The following CHMP1A variants were observed in gnomAD, a reference collection of about 807,000 sequenced individuals.
The protein encoded by CHMP1A is charged multivesicular body protein 1A.
Under a neutral mutation model 27.0 loss-of-function variants are expected in CHMP1A, and 17 were observed. The observed-to-expected ratio is 0.63, with a 90% CI of 0.43 to 0.95. CHMP1A has a LOEUF of 0.95. CHMP1A is among the 40% of genes least tolerant of loss of function. CHMP1A has a pLI of 0.00. For missense variants in CHMP1A, 275 were observed against 264.0 expected, an observed-to-expected ratio of 1.04 and a Z score of -0.29; for synonymous variants, 131 against 107.5, an observed-to-expected ratio of 1.22 and a Z score of -1.35.
intron 3 of CHMP1A, among the ~76,000 whole-genome samples, chr16:89,650,499 G>A (rs1330143970): frequency 6.6e-6 from 1 of 152,162 alleles, no homozygotes; most frequent in Non-Finnish European, 1.5e-5. Context: ...TCTGTAGGGA[G>A]GAGAGAGCTA....
intron 6 of CHMP1A, 129 bp downstream of exon 6, chr16:89,646,398 G>T: frequency 9.1e-7 from 1 of 1,094,178 alleles, no homozygotes. Flanking sequence ...CCTCTGAGTC[G>T]AGATCAGGGC....
At chr16:89,649,228 C>G in intron 4 of CHMP1A, 123 bp downstream of exon 4, 1 of 1,097,474 alleles carries the variant, frequency 9.1e-7, no homozygotes, top group East Asian at 2.9e-5. Flanking sequence ...CTTCCCTCAA[C>G]CTCCCCACCC....
chr16:89,651,799 C>T (rs190082900), intron 2 of CHMP1A, among the ~76,000 whole-genome samples, 153 bp from the exon 3 acceptor site: 124 of 152,356 alleles, frequency 8.1e-4, no homozygotes, highest in Non-Finnish European at 1.2e-3. Context: ...GCAGGGAAGG[C>T]GTGAAGCCTG....
chr16:89,655,047 T>A lies in CHMP1A; in HGVS notation c.8-1124A>T, dbSNP rs548139809. On this transcript the variant is annotated intron_variant, in intron 1 of 6. Coordinates refer to ENST00000397901, the MANE Select transcript of CHMP1A (RefSeq NM_002768.5). Reference sequence around the variant, plus strand: ...CCTGACCCCAGATTCCTGAAAGGGCTTTACCACACTAGCCACAACGAGGAA... The same window carrying A: ...CCTGACCCCAGATTCCTGAAAGGGCATTACCACACTAGCCACAACGAGGAA... 7.2e-5 allele frequency among the ~76,000 whole-genome samples: 11 copies of A among 152,302 alleles called. No individual in the cohort carries two copies. In the South Asian group the frequency reaches 2.3e-3, roughly 32 times the overall value.
intron 5 of CHMP1A, chr16:89,646,974 C>T (rs1181119793): frequency 3.8e-5 from 54 of 1,431,912 alleles, no homozygotes; most frequent in Non-Finnish European, 4.6e-5. Flanking sequence ...GTCTGCCATC[C>T]GAGCCTCCCC....
intron 4 of CHMP1A, chr16:89,649,115 G>C: frequency 1.8e-6 from 1 of 541,062 alleles, no homozygotes; most frequent in East Asian, 3.3e-5. Context: ...AGCCTCACCT[G>C]TGTCCCTGCC....
intron 1 of CHMP1A, among the ~76,000 whole-genome samples, chr16:89,655,336 G>A (rs1475357466): frequency 6.7e-6 from 1 of 149,874 alleles, no homozygotes; most frequent in Non-Finnish European, 1.5e-5. Flanking sequence ...AACTCACTGT[G>A]GGATGCTGGC....
rs1181833606 is a variant in CHMP1A, at chr16:89,644,579, T to G, written c.*1487A>C. ...GAGCTCTGCACCCTCCCCAAGGCTG[T>G]TACCCACGATGGACAGAAGGACGTT... On this transcript the variant is annotated 3_prime_UTR_variant, in exon 7 of 7. Transcript: ENST00000397901. 6.6e-6 allele frequency: 1 copy of G among 152,354 alleles called. No individual in the cohort carries two copies. Among genetic ancestry groups the G allele is most frequent in the African/African-American group, 2.4e-5 (1 of 41,438 alleles). The allele number at this position is 152,354 out of a possible 1,614,324, so 9.4% of individuals were successfully genotyped here.
Position 89,647,263 on chromosome 16 carries a change from C to T in CHMP1A, c.321G>A (p.Lys107=), listed in dbSNP as rs770270286. The part of the protein sequence containing the change: ...DKALSTMDLQ[K]VSSVMDRFEQ... ...CGAACCTGTCCATCACTGAGGAGAC[C>T]TTCTGCAGGTCCATGGTGCTCAGGG... is the stretch of plus-strand genomic sequence containing the variant. The change falls in exon 5 of 7, where the codon AAG becomes AAA. Residue 107 remains lysine, a synonymous_variant. Transcript: ENST00000397901. 18 of 1,611,118 alleles carry T rather than the reference C, an allele frequency of 1.1e-5. No homozygotes were observed. In the Admixed American group the frequency reaches 1.5e-4, roughly 14 times the overall value.
chr16:89,651,567 A>C lies in CHMP1A; in HGVS notation c.105+2T>G, dbSNP rs1178980785. The C allele has an allele frequency of 6.2e-7, 1 of 1,613,540 alleles. No homozygotes were observed. Among genetic ancestry groups the C allele is most frequent in the East Asian group, 2.2e-5 (1 of 44,884 alleles). On this transcript the variant is annotated splice_donor_variant, in intron 3 of 6. Coordinates refer to ENST00000397901, the MANE Select transcript of CHMP1A (RefSeq NM_002768.5). LOFTEE classifies it high-confidence loss of function. ...ATGACCCCACAGCCCCCAGGGTCTC[A>C]CCTTCTTCACTTTGGCCTGCTCCGC...
chr16:89,649,427 C>G lies in CHMP1A; in HGVS notation c.176G>C (p.Gly59Ala). ...AENAIRKKNE[G>A]VNWLRMASRV... The stretch of plus-strand genomic sequence containing the variant: ...GGACGCCATCCGAAGCCAGTTCACA[C>G]CTTCGTTCTTCTTGCGGATGGCGTT... The change falls in exon 4 of 7, where the codon GGT (glycine) becomes GCT (alanine). Residue 59 changes from glycine (G) to alanine (A), a missense_variant. By Grantham distance (60) the Gly-to-Ala change is moderately conservative (BLOSUM62 0). Transcript: ENST00000397901. 2 of 1,613,800 alleles carry G rather than the reference C, an allele frequency of 1.2e-6. No homozygotes were observed. The highest frequency in any genetic ancestry group is 1.7e-6 in the Non-Finnish European group (2 of 1,179,886).
chr16:89,646,859 T>C, intron 5 of CHMP1A, 145 bp from the exon 6 acceptor site: 1 of 1,088,594 alleles, frequency 9.2e-7, no homozygotes, highest in Non-Finnish European at 1.3e-6. Flanking sequence ...TCTCTCTGTC[T>C]CACCTTCCAC....
chr16:89,650,744 T>C (rs2059817741), intron 3 of CHMP1A, among the ~76,000 whole-genome samples: 1 of 151,486 alleles, frequency 6.6e-6, no homozygotes, highest in Non-Finnish European at 1.5e-5. Context: ...AGGCAGAGGT[T>C]GCAGTGAGCC....
In CHMP1A at chr16:89,645,255, G is replaced by A. The variant is rs1324585318; in HGVS notation, c.*811C>T. 6.6e-6 allele frequency: 1 copy of A among 152,586 alleles called. No homozygotes were observed. The highest frequency in any genetic ancestry group is 1.5e-5 in the Non-Finnish European group (1 of 68,334). 9.5% of individuals were successfully genotyped at this position (152,586 alleles called of 1,614,324 possible). On this transcript the variant is annotated 3_prime_UTR_variant, in exon 7 of 7. Transcript: ENST00000397901. ...GGGAGAACCAGGCTGCCCAAGGGGA[G>A]GAGCTGCAGACGCACCCGCTGGGAC...
chr16:89,651,256 A>T (rs1011782239), intron 3 of CHMP1A, among the ~76,000 whole-genome samples: 1 of 152,110 alleles, frequency 6.6e-6, no homozygotes, highest in Non-Finnish European at 1.5e-5. Flanking sequence ...CTGTAATCGC[A>T]GCTACGTGTG....
At chr16:89,655,245 C>T (rs1014452123) in intron 1 of CHMP1A, among the ~76,000 whole-genome samples, 3 of 152,216 alleles carry the variant, frequency 2.0e-5, no homozygotes, top group Non-Finnish European at 4.4e-5. Context: ...CAGGTGTGGT[C>T]ACGGCCAAGG....
At chr16:89,654,740 A>T (rs930307165) in intron 1 of CHMP1A, among the ~76,000 whole-genome samples, 1 of 152,138 alleles carries the variant, frequency 6.6e-6, no homozygotes, top group African/African-American at 2.4e-5. Flanking sequence ...CAGGAGATCG[A>T]GACCATCCTG....
At chr16:89,650,064 C>A (rs958470321) in intron 3 of CHMP1A, among the ~76,000 whole-genome samples, 4 of 152,218 alleles carry the variant, frequency 2.6e-5, no homozygotes, top group Admixed American at 2.6e-4. Context: ...GTTCTCCGAG[C>A]TCCATTCTCC....
At chr16:89,646,978 C>A in intron 5 of CHMP1A, 1 of 1,456,024 alleles carries the variant, frequency 6.9e-7, no homozygotes, top group Admixed American at 2.1e-5. Flanking sequence ...GCCATCCGAG[C>A]CTCCCCACAA....
Sources: gnomAD v4.1 joint callset for allele counts (sites outside exome capture counted in the v4.1 genomes callset) on GRCh38, gnomAD v4.1.1 for gene constraint, MANE v1.5 for transcripts, NCBI Gene and HGNC (gene_info 2026-07-23, HGNC 2026-07-21) for gene names.